The following TRIM37 variants were observed in gnomAD, a reference collection of about 807,000 sequenced individuals.
TRIM37 encodes E3 ubiquitin-protein ligase TRIM37.
In TRIM37, 80 loss-of-function variants were observed where a neutral mutation model predicts 129.8. That is an observed-to-expected ratio of 0.62 (90% confidence interval 0.51 to 0.74). TRIM37 has a LOEUF of 0.74. Among genes scored for constraint, TRIM37 ranks in the 30% least tolerant of loss-of-function variants. TRIM37 has a pLI of 0.00. For synonymous variants in TRIM37, 389 were observed against 387.1 expected (o/e 1.00, Z -0.06); for missense variants, 1,054 against 1,176.5 (o/e 0.90, Z 1.52).
At chr17:59,040,975 A>G (rs1282864579) in intron 17 of TRIM37, among the ~76,000 whole-genome samples, 5 of 151,866 alleles carry the variant, frequency 3.3e-5, no homozygotes, top group Non-Finnish European at 7.4e-5. Context: ...GAACCCGGGA[A>G]GCGGAGCTTG....
At chr17:59,021,996 G>A (rs1310929642) in intron 19 of TRIM37, among the ~76,000 whole-genome samples, 1 of 152,114 alleles carries the variant, frequency 6.6e-6, no homozygotes, top group Non-Finnish European at 1.5e-5. Context: ...CTAACTCTGA[G>A]TTACTATACT....
At chr17:58,978,397 G>C, downstream of TRIM37, among the ~76,000 whole-genome samples, 1 of 152,098 alleles carries the variant, frequency 6.6e-6, no homozygotes, top group East Asian at 1.9e-4. Context: ...GTGTGGTTTT[G>C]TTTTTATTTT....
chr17:59,020,758 T>C (rs1401867588), intron 19 of TRIM37, among the ~76,000 whole-genome samples: 6 of 152,080 alleles, frequency 3.9e-5, no homozygotes, highest in African/African-American at 1.4e-4. Context: ...GAAATGCAAA[T>C]CAAAACTACA....
In TRIM37 at chr17:59,088,205, A is replaced by C. The variant is rs1429658562; in HGVS notation, c.281+86T>G. 4.9e-6 allele frequency: 4 copies of C among 823,544 alleles called. No individual in the cohort carries two copies. In the African/African-American group the frequency reaches 6.7e-5, roughly 14 times the overall value. 51.0% of individuals were successfully genotyped at this position (823,544 alleles called of 1,614,324 possible). The stretch of plus-strand genomic sequence containing the variant: ...ATATAACACTACTTATTCATAAATA[A>C]CTAAAAGGCAACTACCAATATAGTG... On this transcript the variant is annotated intron_variant, in intron 4 of 23. Transcript: ENST00000262294.
chr17:58,988,132 A>C (rs530150957), intron 24 of TRIM37, among the ~76,000 whole-genome samples: 4 of 152,242 alleles, frequency 2.6e-5, no homozygotes, highest in Non-Finnish European at 5.9e-5. Context: ...CACTGGAAAG[A>C]ATAGGCTAGC....
At position 59,041,809 on chromosome 17, in the gene TRIM37, T is replaced by C; in HGVS notation, c.1753+4A>G. 2 of 1,611,858 alleles carry C rather than the reference T, an allele frequency of 1.2e-6. No individual in the cohort carries two copies. The highest frequency in any genetic ancestry group is 1.7e-6 in the Non-Finnish European group (2 of 1,177,998). On this transcript the variant is annotated splice_donor_region_variant and intron_variant, in intron 17 of 23. Transcript: ENST00000262294. ...GCTTGGAGGCAGTGGAGTGACCTCA[T>C]TACCTGCGGGTCCTGCAGCAGCTGC...
At chr17:59,070,159 G>A (rs1165271177) in intron 9 of TRIM37, among the ~76,000 whole-genome samples, 5 of 152,150 alleles carry the variant, frequency 3.3e-5, no homozygotes, top group African/African-American at 1.2e-4. Flanking sequence ...GAAACCACCA[G>A]TCTAACACCA....
At chr17:59,012,902 T>G (rs747414573) in intron 21 of TRIM37, among the ~76,000 whole-genome samples, 1 of 151,770 alleles carries the variant, frequency 6.6e-6, no homozygotes, top group Non-Finnish European at 1.5e-5. Context: ...TTTTTTTCAC[T>G]AAATATTCAC....
At chr17:59,054,281 T>C (rs2040619778) in intron 13 of TRIM37, among the ~76,000 whole-genome samples, 2 of 152,212 alleles carry the variant, frequency 1.3e-5, no homozygotes, top group African/African-American at 2.4e-5. Flanking sequence ...CATGTAATGA[T>C]ACCCAAAAAC....
Position 58,999,299 on chromosome 17 carries a change from T to A in TRIM37, c.*78A>T. On this transcript the variant is annotated 3_prime_UTR_variant, in exon 24 of 24. Transcript: ENST00000262294. ...ATAAGACCAAATCTGATTATCTGAC[T>A]GATGACAAATTTGAGCACCAACTAC... 6.2e-7 allele frequency: 1 copy of A among 1,610,858 alleles called. No individual in the cohort carries two copies. The highest frequency in any genetic ancestry group is 8.5e-7 in the Non-Finnish European group (1 of 1,178,586).
In TRIM37 at chr17:59,003,919, C is replaced by A. The variant is rs555934611; in HGVS notation, c.2696-2205G>T. ...TGGGCAACTTAGCAAAGCCCCATCT[C>A]TATAAAAAAAAAAAAAAAAAAAAAA... On this transcript the variant is annotated intron_variant, in intron 22 of 23. Coordinates refer to ENST00000262294, the MANE Select transcript of TRIM37 (RefSeq NM_015294.6). 9.1e-3 allele frequency among the ~76,000 whole-genome samples: 1,029 copies of A among 112,936 alleles called. 13 individuals carry two copies. The highest frequency in any genetic ancestry group is 0.032 in the African/African-American group (958 of 29,870). 74.1% of individuals were successfully genotyped at this position (112,936 alleles called of 152,430 possible).
intron 12 of TRIM37, among the ~76,000 whole-genome samples, chr17:59,057,676 C>T (rs2041086848): frequency 6.6e-6 from 1 of 152,108 alleles, no homozygotes; most frequent in South Asian, 2.1e-4. Flanking sequence ...GTGCACACCA[C>T]CATGCCCAGC....
intron 16 of TRIM37, among the ~76,000 whole-genome samples, chr17:59,043,736 G>A (rs1257865803): frequency 6.6e-6 from 1 of 152,180 alleles, no homozygotes; most frequent in Non-Finnish European, 1.5e-5. Context: ...TATTCATAAG[G>A]TGGAGGTCCC....
At chr17:59,054,036 A>T (rs1206393572) in intron 13 of TRIM37, among the ~76,000 whole-genome samples, 1 of 152,232 alleles carries the variant, frequency 6.6e-6, no homozygotes. Flanking sequence ...CGGAAAACAC[A>T]TAAGAGTAAA....
rs917045391 is a variant in TRIM37, at chr17:59,012,432, C to T, written c.2591G>A (p.Gly864Glu). The change falls in exon 22 of 24, where the codon GGA becomes GAA. Residue 864 changes from glycine (G) to glutamate (E), a missense_variant. Coordinates refer to ENST00000262294, the MANE Select transcript of TRIM37 (RefSeq NM_015294.6). ...KMVTLGANAK[G>E]GHLEGLQMTD... ...CATCTGCAGTCCTTCCAGATGACCT[C>T]CTTTAGCATTAGCCCTCAAAGAAGA... The T allele has an allele frequency of 3.7e-6, 6 of 1,606,550 alleles. No homozygotes were observed. The African/African-American group carries it at 8.0e-5, about 21-fold the overall frequency.
At chr17:58,975,198 C>T in the TRIM37 span, among the ~76,000 whole-genome samples, 1 of 152,216 alleles carries the variant, frequency 6.6e-6, no homozygotes, top group South Asian at 2.1e-4. Flanking sequence ...ATTAGGTTTA[C>T]AACTCAAACC....
At chr17:59,091,262 T>C (rs2044274290) in intron 3 of TRIM37, 38 bp downstream of exon 3, 1 of 1,554,308 alleles carries the variant, frequency 6.4e-7, no homozygotes, top group East Asian at 2.3e-5. Context: ...GATCTTACTA[T>C]TTTCAAAATT....
At chr17:59,012,711 C>T (rs1185666541) in intron 21 of TRIM37, among the ~76,000 whole-genome samples, 2 of 151,800 alleles carry the variant, frequency 1.3e-5, no homozygotes, top group Non-Finnish European at 2.9e-5. Context: ...ACCCCATCTC[C>T]ACTAAAAATA....
chr17:59,051,379 A>T, intron 13 of TRIM37, 51 bp from the exon 14 acceptor site: 1 of 1,316,208 alleles, frequency 7.6e-7, no homozygotes, highest in Non-Finnish European at 1.1e-6. Context: ...GTAAAACATT[A>T]TCAGTCTAGC....
Sources: gnomAD v4.1 joint callset for allele counts (sites outside exome capture counted in the v4.1 genomes callset) on GRCh38, gnomAD v4.1.1 for gene constraint, MANE v1.5 for transcripts, NCBI Gene and HGNC (gene_info 2026-07-23, HGNC 2026-07-21) for gene names.